Variants in FAR2 observed in about 807,000 individuals in gnomAD.
FAR2 encodes the protein fatty acyl-CoA reductase 2.
FAR2 carries 19 observed loss-of-function variants against 56.0 expected under a neutral mutation model. The ratio of observed to expected loss-of-function variants is 0.34; its 90% CI spans 0.24 to 0.50. The LOEUF (loss-of-function observed/expected upper bound fraction) is 0.50, where lower values mean the gene tolerates loss of function less well. FAR2 is among the 20% of genes least tolerant of loss of function. FAR2 has a pLI of 0.98. For missense variants in FAR2, 508 were observed against 642.2 expected, an observed-to-expected ratio of 0.79 and a Z score of 2.26; for synonymous variants, 219 against 218.8, an observed-to-expected ratio of 1.00 and a Z score of -0.01.
chr12:29,291,310 G>GA, intron 2 of FAR2: 5 of 446,868 alleles, frequency 1.1e-5, no homozygotes, highest in South Asian at 7.9e-5. Context: ...AGGCGGTTAA[G>GA]AAATACAATT....
chr12:29,230,313 TGAGGGA>T (rs1343065038), intron 1 of FAR2, among the ~76,000 whole-genome samples: 2 of 151,860 alleles, frequency 1.3e-5, no homozygotes, highest in Non-Finnish European at 2.9e-5. Flanking sequence ...CAACTGTGAG[TGAGGGA>T]GGCCTCTGGG....
At chr12:29,252,339 G>A (rs148897249) in intron 1 of FAR2, among the ~76,000 whole-genome samples, 204 of 152,258 alleles carry the variant, frequency 1.3e-3, no homozygotes, top group Middle Eastern at 3.4e-3. Context: ...GTCATCCCAC[G>A]AGGTAAAGAA....
At chr12:29,261,287 A>G (rs979558096) in intron 1 of FAR2, among the ~76,000 whole-genome samples, 4 of 152,254 alleles carry the variant, frequency 2.6e-5, no homozygotes, top group African/African-American at 7.2e-5. Context: ...TGTAGTTGAC[A>G]TACTGAAGAA....
In FAR2 at chr12:29,270,649, T is replaced by A; in HGVS notation, c.189+11T>A. The A allele has an allele frequency of 6.3e-7, 1 of 1,597,456 alleles. No homozygotes were observed. The highest frequency in any genetic ancestry group is 8.6e-7 in the Non-Finnish European group (1 of 1,169,386). ...ATCCTAGACAGTAAGGTATGCCTTA[T>A]AGGAAAGCGTGTGTGATGGGCAATG... On this transcript the variant is annotated intron_variant, in intron 2 of 11. Transcript: ENST00000536681.
chr12:29,195,291 G>A (rs1439654396), intron 1 of FAR2, among the ~76,000 whole-genome samples: 3 of 152,110 alleles, frequency 2.0e-5, no homozygotes, highest in Non-Finnish European at 4.4e-5. Context: ...GTGTTCCAAG[G>A]AAACTACTAT....
intron 1 of FAR2, among the ~76,000 whole-genome samples, chr12:29,220,114 T>A (rs1003727682): frequency 8.5e-5 from 13 of 152,214 alleles, no homozygotes; most frequent in African/African-American, 3.1e-4. Flanking sequence ...GAAACAGAGC[T>A]GGCACTAGAA....
At chr12:29,201,160 T>C (rs2136616921) in intron 1 of FAR2, among the ~76,000 whole-genome samples, 1 of 152,306 alleles carries the variant, frequency 6.6e-6, no homozygotes, top group South Asian at 2.1e-4. Flanking sequence ...TCTCTCCTCC[T>C]GTTTTGAATC....
In FAR2 at chr12:29,307,858, T is replaced by C. The variant is rs371299212; in HGVS notation, c.723+23T>C. The C allele has an allele frequency of 1.0e-4, 166 of 1,592,756 alleles. No individual in the cohort carries two copies. The African/African-American group carries it at 2.0e-3, about 19-fold the overall frequency. ...CCAGTAAGCCCACTTACCTGGATTC[T>C]GTGTTTTGCTTCCAAACTAAGGTTC... On this transcript the variant is annotated intron_variant, in intron 5 of 11. Coordinates refer to ENST00000536681, the MANE Select transcript of FAR2 (RefSeq NM_001271783.2).
At chr12:29,305,123 GTTTAT>G (rs1591951385) in intron 4 of FAR2, among the ~76,000 whole-genome samples, 2 of 149,456 alleles carry the variant, frequency 1.3e-5, no homozygotes, top group East Asian at 4.0e-4. Context: ...TGTTTTATTT[GTTTAT>G]TTTTATTTTT....
In FAR2 at chr12:29,260,929, G is replaced by A. The variant is rs1181683834; in HGVS notation, c.-38-9483G>A. On this transcript the variant is annotated intron_variant, in intron 1 of 11. Coordinates refer to ENST00000536681, the MANE Select transcript of FAR2 (RefSeq NM_001271783.2). Reference sequence around the variant, plus strand: ...ACTGTGCAACAGCCACAGTGTTGCTGGGTTTGGGGTACTCCCTAATGCAGT... The same window carrying A: ...ACTGTGCAACAGCCACAGTGTTGCTAGGTTTGGGGTACTCCCTAATGCAGT... Among the ~76,000 whole-genome samples, 6 of 152,298 alleles carry A rather than the reference G, an allele frequency of 3.9e-5. No individual in the cohort carries two copies. The South Asian group carries it at 8.3e-4, about 21-fold the overall frequency.
At chr12:29,282,201 G>C (rs757588980) in intron 2 of FAR2, 13 of 152,146 alleles carry the variant, frequency 8.5e-5, no homozygotes, top group Non-Finnish European at 1.8e-4. Flanking sequence ...AGTCAATGCT[G>C]ATTGGAAAAG....
intron 2 of FAR2, among the ~76,000 whole-genome samples, chr12:29,273,768 C>T (rs752878443): frequency 2.0e-5 from 3 of 152,198 alleles, no homozygotes; most frequent in Non-Finnish European, 4.4e-5. Flanking sequence ...GATGGTAGGC[C>T]CTGGTGGCCT....
Position 29,333,662 on chromosome 12 carries a change from T to G in FAR2, c.1416T>G (p.Thr472=). The change falls in exon 12 of 12, where the codon ACT becomes ACG. Residue 472 remains threonine, a synonymous_variant. Coordinates refer to ENST00000536681, the MANE Select transcript of FAR2 (RefSeq NM_001271783.2). ...RLRNIHYLFN[T]ALFLIAWRLL... is the part of the protein sequence containing the mutation. The stretch of plus-strand genomic sequence containing the variant: ...GAAATATTCACTACCTCTTTAATAC[T>G]GCCCTCTTCCTTATCGCCTGGCGCC... The G allele has an allele frequency of 6.2e-7, 1 of 1,613,850 alleles. No homozygotes were observed. The highest frequency in any genetic ancestry group is 8.5e-7 in the Non-Finnish European group (1 of 1,179,758).
At chr12:29,280,978 G>A (rs765683892) in intron 2 of FAR2, 1 of 152,162 alleles carries the variant, frequency 6.6e-6, no homozygotes, top group African/African-American at 2.4e-5. Flanking sequence ...TTCTTTTTAG[G>A]TCGCCAAATA....
intron 4 of FAR2, among the ~76,000 whole-genome samples, chr12:29,299,033 G>A (rs966927228): frequency 6.6e-6 from 1 of 151,936 alleles, no homozygotes; most frequent in African/African-American, 2.4e-5. Context: ...GACCAACATG[G>A]TGAAACCCTG....
At chr12:29,293,532 T>A in intron 3 of FAR2, 57 bp downstream of exon 3, 1 of 1,270,294 alleles carries the variant, frequency 7.9e-7, no homozygotes. Context: ...GTAAATTTCT[T>A]CATAGTTTCT....
At chr12:29,231,472 G>A (rs2136651909) in intron 1 of FAR2, among the ~76,000 whole-genome samples, 1 of 152,288 alleles carries the variant, frequency 6.6e-6, no homozygotes, top group African/African-American at 2.4e-5. Flanking sequence ...TAAAATCCAA[G>A]TAGAAATGTC....
intron 1 of FAR2, among the ~76,000 whole-genome samples, chr12:29,215,932 C>T (rs1054409209): frequency 6.6e-6 from 1 of 152,126 alleles, no homozygotes; most frequent in Non-Finnish European, 1.5e-5. Flanking sequence ...GAATCCTTCT[C>T]CTCCTAGGGT....
At chr12:29,300,359 T>C (rs1012118469) in intron 4 of FAR2, among the ~76,000 whole-genome samples, 1 of 152,200 alleles carries the variant, frequency 6.6e-6, no homozygotes, top group African/African-American at 2.4e-5. Context: ...AACTATACCA[T>C]GATCTACGAC....
Sources: allele counts gnomAD v4.1 joint callset (sites outside exome capture counted in the v4.1 genomes callset), GRCh38; gene constraint gnomAD v4.1.1; transcripts MANE v1.5; gene names NCBI Gene and HGNC (gene_info 2026-07-23, HGNC 2026-07-21).